The following RPS6KC1 variants were observed in gnomAD, a reference collection of about 807,000 sequenced individuals.
The protein encoded by RPS6KC1 is ribosomal protein S6 kinase C1, also known as inactive ribosomal protein S6 kinase delta-1.
RPS6KC1 carries 54 observed loss-of-function variants against 103.8 expected under a neutral mutation model. That is an observed-to-expected ratio of 0.52 (90% CI 0.42 to 0.65). RPS6KC1 has a LOEUF of 0.65. RPS6KC1 is among the 30% of genes least tolerant of loss of function. The pLI is 0.00. For missense variants in RPS6KC1, 1,151 were observed against 1,253.8 expected (o/e 0.92, Z 1.24); for synonymous variants, 439 against 438.7 (o/e 1.00, Z -0.01).
the RPS6KC1 span, among the ~76,000 whole-genome samples, chr1:213,725,851 A>G: frequency 2.0e-4 from 31 of 152,108 alleles, no homozygotes; most frequent in Non-Finnish European, 3.7e-4. Flanking sequence ...TTCTTTACAT[A>G]TTCTGAACAC....
the RPS6KC1 span, among the ~76,000 whole-genome samples, chr1:213,365,225 A>G: frequency 1.3e-5 from 2 of 152,242 alleles, no homozygotes; most frequent in Non-Finnish European, 2.9e-5. Context: ...ATTTATCATT[A>G]AAAATGTGGC....
the RPS6KC1 span, among the ~76,000 whole-genome samples, chr1:213,747,860 A>G: frequency 2.6e-3 from 397 of 152,334 alleles, 1 homozygote; most frequent in African/African-American, 8.8e-3. Flanking sequence ...TCAGTGGATG[A>G]CATTGATTAA....
the RPS6KC1 span, among the ~76,000 whole-genome samples, chr1:213,334,461 A>G: frequency 3.3e-5 from 5 of 152,242 alleles, no homozygotes; most frequent in Non-Finnish European, 7.3e-5. Flanking sequence ...AATCCAAATG[A>G]AATGTATCAG....
At chr1:213,501,389 G>T in the RPS6KC1 span, among the ~76,000 whole-genome samples, 85,309 of 152,042 alleles carry the variant, frequency 0.56, 25,862 homozygotes, top group East Asian at 0.87. Context: ...TGGATTAATG[G>T]TTTAAAAGTA....
At chr1:213,367,630 T>G in the RPS6KC1 span, among the ~76,000 whole-genome samples, 1 of 152,224 alleles carries the variant, frequency 6.6e-6, no homozygotes, top group Non-Finnish European at 1.5e-5. Flanking sequence ...AAAGCATTGT[T>G]TCCTTCATTG....
the RPS6KC1 span, among the ~76,000 whole-genome samples, chr1:213,581,152 G>C: frequency 6.6e-6 from 1 of 151,920 alleles, no homozygotes; most frequent in Non-Finnish European, 1.5e-5. Context: ...CTGGAGAGTA[G>C]TTCTGGTACC....
the RPS6KC1 span, among the ~76,000 whole-genome samples, chr1:213,295,623 T>G: frequency 3.3e-5 from 5 of 152,340 alleles, no homozygotes; most frequent in African/African-American, 1.2e-4. Flanking sequence ...TTGTTTTTCC[T>G]TGCTAGGGGT....
chr1:213,140,159 A>G (rs2086843062), intron 6 of RPS6KC1, among the ~76,000 whole-genome samples: 1 of 152,098 alleles, frequency 6.6e-6, no homozygotes, highest in Admixed American at 6.6e-5. Flanking sequence ...TGATTGATGT[A>G]TAGAAATGCT....
chr1:213,338,795 A>G, the RPS6KC1 span, among the ~76,000 whole-genome samples: 1 of 149,978 alleles, frequency 6.7e-6, no homozygotes, highest in African/African-American at 2.5e-5. Flanking sequence ...TTGAGAGACA[A>G]GGTGTCACTA....
the RPS6KC1 span, among the ~76,000 whole-genome samples, chr1:213,568,626 C>T: frequency 1.3e-5 from 2 of 152,306 alleles, no homozygotes; most frequent in Admixed American, 6.5e-5. Flanking sequence ...TAGTCTGGCT[C>T]ATACCATTTA....
the RPS6KC1 span, among the ~76,000 whole-genome samples, chr1:213,313,179 G>A: frequency 0.011 from 1,705 of 152,236 alleles, 39 homozygotes; most frequent in African/African-American, 0.038. Context: ...TGAAAAATAC[G>A]TGTATTTTCC....
chr1:213,217,105 C>G (rs2093685789), intron 8 of RPS6KC1, among the ~76,000 whole-genome samples: 1 of 151,440 alleles, frequency 6.6e-6, no homozygotes, highest in South Asian at 2.1e-4. Flanking sequence ...AAAAGATCAA[C>G]AAAATTGATA....
the RPS6KC1 span, among the ~76,000 whole-genome samples, chr1:213,710,334 C>T: frequency 5.8e-4 from 89 of 152,174 alleles, no homozygotes; most frequent in African/African-American, 2.1e-3. Context: ...CCTAGGATTG[C>T]AGCCCCTGCT....
At chr1:213,395,084 G>T in the RPS6KC1 span, among the ~76,000 whole-genome samples, 1 of 152,194 alleles carries the variant, frequency 6.6e-6, no homozygotes, top group East Asian at 1.9e-4. Context: ...TGCCCTGGCT[G>T]CCATTGGCCA....
chr1:213,056,327 T>C (rs2077328424), intron 1 of RPS6KC1, among the ~76,000 whole-genome samples: 1 of 152,158 alleles, frequency 6.6e-6, no homozygotes, highest in African/African-American at 2.4e-5. Flanking sequence ...AGCCAGCAAG[T>C]GGTAGAGTCT....
the RPS6KC1 span, chr1:213,820,700 A>T: frequency 6.6e-6 from 1 of 152,208 alleles, no homozygotes. Flanking sequence ...GTAGGTTCTG[A>T]GAGAGGAACC....
the RPS6KC1 span, among the ~76,000 whole-genome samples, chr1:213,594,271 A>G: frequency 1.3e-5 from 2 of 152,224 alleles, no homozygotes; most frequent in Non-Finnish European, 1.5e-5. Context: ...ACAAACAGAG[A>G]TATGCTATGT....
At chr1:213,831,059 C>T in the RPS6KC1 span, among the ~76,000 whole-genome samples, 1 of 152,222 alleles carries the variant, frequency 6.6e-6, no homozygotes. Context: ...TCCTGCTCCA[C>T]ACCAGCCTCA....
chr1:213,715,750 T>C, the RPS6KC1 span, among the ~76,000 whole-genome samples: 1 of 152,234 alleles, frequency 6.6e-6, no homozygotes. Flanking sequence ...TTCATCATTA[T>C]TGGCATTTGT....
Sources: gnomAD v4.1 joint callset for allele counts (sites outside exome capture counted in the v4.1 genomes callset) on GRCh38, gnomAD v4.1.1 for gene constraint, MANE v1.5 for transcripts, NCBI Gene and HGNC (gene_info 2026-07-23, HGNC 2026-07-21) for gene names.